The following KLF8 variants were observed in gnomAD, a reference collection of about 807,000 sequenced individuals.
The protein encoded by KLF8 is Krueppel-like factor 8.
In KLF8, 10 loss-of-function variants were observed where a neutral mutation model predicts 18.2. The ratio of observed to expected loss-of-function variants is 0.55; its 90% CI spans 0.34 to 0.93. The LOEUF (loss-of-function observed/expected upper bound fraction) is 0.93. Among genes scored for constraint, KLF8 ranks in the 40% least tolerant of loss-of-function variants. The pLI is 0.02. For synonymous variants in KLF8, 109 were observed against 97.3 expected (o/e 1.12, Z -0.71); for missense variants, 264 against 277.9 (o/e 0.95, Z 0.36).
chrX:56,282,029 T>A (rs762745824), intron 5 of KLF8, among the ~76,000 whole-genome samples: 1 of 112,768 alleles, frequency 8.9e-6, no homozygotes, highest in African/African-American at 3.2e-5. Flanking sequence ...TATATAGGAA[T>A]TCTCAGAAGA....
chrX:56,226,880 C>T, the KLF8 span, among the ~76,000 whole-genome samples: 1 of 112,177 alleles, frequency 8.9e-6, no homozygotes, highest in South Asian at 3.7e-4. Flanking sequence ...GGGTAAACTG[C>T]TCCAACTATA....
chrX:55,986,020 A>C, the KLF8 span, among the ~76,000 whole-genome samples: 1 of 111,747 alleles, frequency 8.9e-6, no homozygotes, highest in Non-Finnish European at 1.9e-5. Flanking sequence ...GTTGCTTATC[A>C]GATTAAGAAG....
chrX:56,104,138 A>G, the KLF8 span, among the ~76,000 whole-genome samples: 10 of 111,739 alleles, frequency 8.9e-5, no homozygotes, highest in African/African-American at 2.9e-4. Flanking sequence ...GGAGTTTTGC[A>G]TCAAGGTTCG....
the KLF8 span, among the ~76,000 whole-genome samples, chrX:56,036,586 G>A: frequency 8.0e-5 from 9 of 112,121 alleles, no homozygotes; most frequent in Admixed American, 8.5e-4. Flanking sequence ...CCACGACTTT[G>A]TAGTATATTT....
At chrX:56,160,183 G>A in the KLF8 span, among the ~76,000 whole-genome samples, 12 of 111,637 alleles carry the variant, frequency 1.1e-4, no homozygotes, top group East Asian at 3.1e-3. Context: ...TTTAGTTTCC[G>A]TGTAGTTGAG....
At chrX:55,934,045 A>G in the KLF8 span, among the ~76,000 whole-genome samples, 6 of 112,143 alleles carry the variant, frequency 5.4e-5, no homozygotes, top group Admixed American at 5.7e-4. Context: ...TGTGTATCCT[A>G]GAATTGAGGG....
the KLF8 span, among the ~76,000 whole-genome samples, chrX:55,940,048 C>T: frequency 1.8e-5 from 2 of 111,625 alleles, no homozygotes; most frequent in African/African-American, 6.5e-5. Flanking sequence ...CATCCTGATA[C>T]CAAAGCCTGG....
At chrX:55,987,915 C>T in the KLF8 span, among the ~76,000 whole-genome samples, 77 of 111,747 alleles carry the variant, frequency 6.9e-4, 1 homozygote, top group Non-Finnish European at 1.4e-3. Flanking sequence ...AGATGGTATC[C>T]CATTGTGGTT....
At chrX:56,010,492 C>G in the KLF8 span, among the ~76,000 whole-genome samples, 1 of 111,966 alleles carries the variant, frequency 8.9e-6, no homozygotes, top group Non-Finnish European at 1.9e-5. Context: ...AAGCCATTAC[C>G]AGCCACTACA....
the KLF8 span, among the ~76,000 whole-genome samples, chrX:56,086,278 T>C: frequency 8.9e-6 from 1 of 111,906 alleles, no homozygotes; most frequent in Non-Finnish European, 1.9e-5. Flanking sequence ...TAGCTTCCAG[T>C]TCAGCCTCAT....
At chrX:55,978,861 A>G in the KLF8 span, among the ~76,000 whole-genome samples, 1 of 111,683 alleles carries the variant, frequency 9.0e-6, no homozygotes, top group Admixed American at 9.5e-5. Context: ...CATATTAAGG[A>G]TATAGTGAGG....
the KLF8 span, among the ~76,000 whole-genome samples, chrX:55,953,113 G>A: frequency 2.7e-5 from 3 of 111,537 alleles, no homozygotes; most frequent in Admixed American, 9.6e-5. Flanking sequence ...TTGTTCGAGT[G>A]TGTATCAAAC....
chrX:56,112,479 T>TA, the KLF8 span, among the ~76,000 whole-genome samples: 415 of 111,868 alleles, frequency 3.7e-3, no homozygotes, highest in African/African-American at 6.9e-3. Flanking sequence ...TAAAGTATAA[T>TA]AAAAAAAATT....
chrX:55,991,052 CG>C, the KLF8 span, among the ~76,000 whole-genome samples: 10 of 112,220 alleles, frequency 8.9e-5, no homozygotes, highest in African/African-American at 1.3e-4. Flanking sequence ...TTTAAGTCTG[CG>C]GAGTTTTCTG....
intron 1 of KLF8, among the ~76,000 whole-genome samples, chrX:56,248,320 C>T (rs1320396389): frequency 1.8e-5 from 2 of 110,085 alleles, no homozygotes; most frequent in African/African-American, 3.4e-5. Context: ...AAAAAAAGAA[C>T]AGTGTCGTAT....
the KLF8 span, among the ~76,000 whole-genome samples, chrX:56,043,137 A>G: frequency 7.2e-5 from 8 of 111,254 alleles, 1 homozygote; most frequent in East Asian, 2.0e-3. Flanking sequence ...AATGTTGAAT[A>G]TTGGCCCCCA....
chrX:56,287,061 A>T lies in KLF8; in HGVS notation c.*2567A>T, dbSNP rs1362262931. ...ACCTCAGAATCTTTTGCATTGAGAC[A>T]TATGATCTATTTATAAATAAAGGTT... On this transcript the variant is annotated 3_prime_UTR_variant, in exon 6 of 6. Transcript: ENST00000468660. 8.9e-6 allele frequency: 1 copy of T among 111,994 alleles called. No individual in the cohort carries two copies. The highest frequency in any genetic ancestry group is 2.8e-4 in the East Asian group (1 of 3,589). 9.2% of individuals were successfully genotyped at this position (111,994 alleles called of 1,213,427 possible).
chrX:56,190,350 A>T, the KLF8 span, among the ~76,000 whole-genome samples: 1 of 111,545 alleles, frequency 9.0e-6, no homozygotes, highest in Non-Finnish European at 1.9e-5. Flanking sequence ...ATTAGAGCTA[A>T]AAAAGAGATA....
the KLF8 span, among the ~76,000 whole-genome samples, chrX:55,988,045 GTTCT>G: frequency 3.6e-5 from 4 of 111,914 alleles, no homozygotes; most frequent in South Asian, 3.7e-4. Context: ...TTTTGACGGG[GTTCT>G]TTGTTTTTTT....
Sources: gnomAD v4.1 joint callset for allele counts (sites outside exome capture counted in the v4.1 genomes callset) on GRCh38, gnomAD v4.1.1 for gene constraint, MANE v1.5 for transcripts, NCBI Gene and HGNC (gene_info 2026-07-23, HGNC 2026-07-21) for gene names.